C6orf62: variants seen among roughly 807,000 people sequenced by gnomAD.
C6orf62 encodes the protein uncharacterized protein C6orf62.
C6orf62 carries 16 observed loss-of-function variants against 26.8 expected under a neutral mutation model. The ratio of observed to expected loss-of-function variants is 0.60; its 90% CI spans 0.40 to 0.91. C6orf62 has a LOEUF of 0.91. Among genes scored for constraint, C6orf62 ranks in the 40% least tolerant of loss-of-function variants. The pLI is 0.00. For synonymous variants in C6orf62, 112 were observed against 91.5 expected (o/e 1.22, Z -1.28); for missense variants, 192 against 271.4 (o/e 0.71, Z 2.06).
At chr6:24,717,661 G>A (rs1280901909) in intron 1 of C6orf62, among the ~76,000 whole-genome samples, 2 of 152,154 alleles carry the variant, frequency 1.3e-5, no homozygotes, top group South Asian at 2.1e-4. Flanking sequence ...ACAGTAGGGG[G>A]AAACCTGGAA....
chr6:24,719,504 C>A, upstream of C6orf62: 1 of 1,131,346 alleles, frequency 8.8e-7, no homozygotes, highest in Non-Finnish European at 1.1e-6. Context: ...TCCCCATCAC[C>A]CACATTTTCA....
In C6orf62 at chr6:24,704,916, TTTTTC is replaced by T. The variant is rs1341500777; in HGVS notation, c.*1216_*1220del. Reference sequence around the variant, plus strand: ...TTTCACCTATTTTATTTAGGTTTTCTTTTTCTTTTTTTCTTTTTTTTTCAAATTCC... The same window carrying T: ...TTTCACCTATTTTATTTAGGTTTTCTTTTTTTTCTTTTTTTTTCAAATTCC... On this transcript the variant is annotated 3_prime_UTR_variant, in exon 5 of 5. Coordinates refer to ENST00000378119, the MANE Select transcript of C6orf62 (RefSeq NM_030939.5). 1.3e-5 allele frequency: 2 copies of T among 151,986 alleles called. No individual in the cohort carries two copies. The highest frequency in any genetic ancestry group is 4.8e-5 in the African/African-American group (2 of 41,338). 9.4% of individuals were successfully genotyped at this position (151,986 alleles called of 1,614,324 possible). A position where few individuals can be genotyped will look rare whatever the true frequency, so the allele number is the denominator to read the frequency against.
rs1410392221 is a variant in C6orf62 at position 24,706,151 on chromosome 6, A to G, written c.676T>C (p.Tyr226His). The change falls in exon 5 of 5, where the codon TAT (tyrosine) becomes CAT (histidine). Residue 226 changes from tyrosine to histidine, a missense_variant. Physicochemically the swap from Tyr to His is moderately conservative, Grantham distance 83. Coordinates refer to ENST00000378119, the MANE Select transcript of C6orf62 (RefSeq NM_030939.5). ...VGTIEDHLRP[Y>H]MPE ...TGGTCAGTACTCTACTCTGGCATAT[A>G]AGGACGGAGGTGATCCTCTATGGTG... 2 of 1,614,074 alleles carry G rather than the reference A, an allele frequency of 1.2e-6. No homozygotes were observed. The highest frequency in any genetic ancestry group is 2.2e-5 in the East Asian group (1 of 44,886).
intron 3 of C6orf62, among the ~76,000 whole-genome samples, chr6:24,711,430 A>C (rs180712548): frequency 3.8e-4 from 58 of 152,298 alleles, no homozygotes; most frequent in Non-Finnish European, 6.8e-4. Flanking sequence ...ACACTGAAGA[A>C]CTCAGTATTT....
chr6:24,719,568 A>C, upstream of C6orf62: 2 of 1,238,354 alleles, frequency 1.6e-6, no homozygotes, highest in Non-Finnish European at 1.0e-6. Context: ...GGCAGAAGGA[A>C]AAGGGGTATA....
At chr6:24,708,995 A>G in intron 3 of C6orf62, 84 bp from the exon 4 acceptor site, 1 of 1,559,632 alleles carries the variant, frequency 6.4e-7, no homozygotes, top group South Asian at 1.2e-5. Flanking sequence ...GTGCTGTCCA[A>G]TAAAGCAGCC....
intron 4 of C6orf62, among the ~76,000 whole-genome samples, chr6:24,707,893 C>T (rs966941602): frequency 7.9e-5 from 12 of 151,736 alleles, no homozygotes; most frequent in Non-Finnish European, 1.5e-4. Flanking sequence ...CACCTGTAGT[C>T]CCAGCTACTC....
chr6:24,718,953 ATAAC>A lies in C6orf62; in HGVS notation c.-289_-286del, dbSNP rs1412537817. On this transcript the variant is annotated 5_prime_UTR_variant, in exon 1 of 5. The change abolishes the stop of an existing upstream ORF in the 5' untranslated region. Transcript: ENST00000378119. Reference sequence around the variant, plus strand: ...AAAGAAAGGAAAGAAAGAGGAGAAAATAACTAACTTTCTGGAAAACACATTTGGC... The same window carrying A: ...AAAGAAAGGAAAGAAAGAGGAGAAAATAACTTTCTGGAAAACACATTTGGC... 2.3e-5 allele frequency: 28 copies of A among 1,205,184 alleles called. No homozygotes were observed. Among genetic ancestry groups the A allele is most frequent in the African/African-American group, 6.4e-5 (4 of 62,266 alleles). The allele number at this position is 1,205,184 out of a possible 1,614,324, so 74.7% of individuals were successfully genotyped here.
rs964296224 is a variant in C6orf62 at position 24,705,785 on chromosome 6, C to G, written c.*352G>C. On this transcript the variant is annotated 3_prime_UTR_variant, in exon 5 of 5. Coordinates refer to ENST00000378119, the MANE Select transcript of C6orf62 (RefSeq NM_030939.5). ...TGACAGATGTCAAAGAGGCAAAAACCAGCACAAATGGGAAGACCATAAAAA... is the reference window on the plus strand; with the variant it reads ...TGACAGATGTCAAAGAGGCAAAAACGAGCACAAATGGGAAGACCATAAAAA... 5.9e-6 allele frequency: 1 copy of G among 168,762 alleles called. No individual in the cohort carries two copies. Among genetic ancestry groups the G allele is most frequent in the African/African-American group, 2.4e-5 (1 of 41,880 alleles). 10.5% of individuals were successfully genotyped at this position (168,762 alleles called of 1,614,324 possible).
At position 24,718,636 on chromosome 6, in the gene C6orf62, A is replaced by G. The variant is rs1779286901; in HGVS notation, c.33T>C (p.Ala11=). ...TAAGCTGAGCACGTAGTCTGTTCAG[A>G]GCTTGTTTCTTCCGGGAGTTTGGGT... MGDPNSRKKQ[A]LNRLRAQLRK... Residue 11 remains alanine, a synonymous_variant, in exon 1 of 5, where the codon GCT becomes GCC. Transcript: ENST00000378119. 6.2e-7 allele frequency: 1 copy of G among 1,613,992 alleles called. No homozygotes were observed. Among genetic ancestry groups the G allele is most frequent in the East Asian group, 2.2e-5 (1 of 44,870 alleles).
rs751628252 is a variant in C6orf62, at chr6:24,718,924, G to GAGGAAAGAA, written c.-265_-257dup. The GAGGAAAGAA allele has an allele frequency of 7.8e-7, 1 of 1,275,098 alleles. No individual in the cohort carries two copies. The highest frequency in any genetic ancestry group is 3.9e-5 in the East Asian group (1 of 25,474). 79.0% of individuals were successfully genotyped at this position (1,275,098 alleles called of 1,614,324 possible). ...CGTTTGGGGTCAGACGGGAAAAAGGGAGGAAAGAAAGGAAAGAAAGAGGAG... is the reference window on the plus strand; with the variant it reads ...CGTTTGGGGTCAGACGGGAAAAAGGGAGGAAAGAAAGGAAAGAAAGGAAAGAAAGAGGAG... On this transcript the variant is annotated 5_prime_UTR_variant, in exon 1 of 5. Transcript: ENST00000378119.
chr6:24,719,299 T>C (rs1000840122), upstream of C6orf62: 3 of 990,094 alleles, frequency 3.0e-6, no homozygotes, highest in African/African-American at 3.5e-5. Flanking sequence ...TTATTTCAGA[T>C]TTCACTATTG....
intron 1 of C6orf62, among the ~76,000 whole-genome samples, chr6:24,717,422 A>C (rs774426074): frequency 3.3e-5 from 5 of 152,238 alleles, no homozygotes; most frequent in Non-Finnish European, 7.3e-5. Flanking sequence ...AGTCACTTCA[A>C]AAATTACTTA....
At position 24,718,532 on chromosome 6, in the gene C6orf62, T is replaced by C; in HGVS notation, c.129+8A>G. ...TGTGCTAATTCACCATTAAGAACTTTAAATTACCTTCTCCTTGAATACAAA... is the reference window on the plus strand; with the variant it reads ...TGTGCTAATTCACCATTAAGAACTTCAAATTACCTTCTCCTTGAATACAAA... On this transcript the variant is annotated splice_region_variant and intron_variant, in intron 1 of 4. Transcript: ENST00000378119. The C allele has an allele frequency of 6.3e-7, 1 of 1,596,882 alleles. No homozygotes were observed. The highest frequency in any genetic ancestry group is 1.1e-5 in the South Asian group (1 of 89,174).
intron 2 of C6orf62, 45 bp downstream of exon 2, chr6:24,716,103 A>C (rs1581399343): frequency 3.2e-6 from 5 of 1,541,816 alleles, no homozygotes; most frequent in Non-Finnish European, 4.5e-6. Flanking sequence ...ATGCAAGGTT[A>C]ATCCACAGAA....
At chr6:24,718,206 C>T (rs1475941727) in intron 1 of C6orf62, among the ~76,000 whole-genome samples, 3 of 152,230 alleles carry the variant, frequency 2.0e-5, no homozygotes, top group Admixed American at 6.5e-5. Flanking sequence ...TTATACTCTA[C>T]ATTAGATAAT....
upstream of C6orf62, chr6:24,719,683 C>G (rs1244173246): frequency 9.5e-6 from 14 of 1,473,950 alleles, no homozygotes; most frequent in Non-Finnish European, 1.2e-5. Context: ...AGGGAGACTT[C>G]CCTGTGGATC....
Position 24,716,131 on chromosome 6 carries a change from C to T in C6orf62, c.306+17G>A, listed in dbSNP as rs2127635753. On this transcript the variant is annotated intron_variant, in intron 2 of 4. Transcript: ENST00000378119. ...CCACAGAAACTTTATCAAGTCAAGA[C>T]TTAAGGCAGAACTTACCCTTCTCAT... 3.1e-6 allele frequency: 5 copies of T among 1,608,472 alleles called. No homozygotes were observed. The Middle Eastern group carries it at 6.6e-4, about 213-fold the overall frequency.
upstream of C6orf62, chr6:24,719,641 C>T: frequency 6.9e-7 from 1 of 1,440,676 alleles, no homozygotes; most frequent in Non-Finnish European, 9.1e-7. Flanking sequence ...GTTCCCAACA[C>T]CCCCAGCCTG....
Sources: gnomAD v4.1 joint callset for allele counts (sites outside exome capture counted in the v4.1 genomes callset) on GRCh38, gnomAD v4.1.1 for gene constraint, MANE v1.5 for transcripts, NCBI Gene and HGNC (gene_info 2026-07-23, HGNC 2026-07-21) for gene names.